TCF12: variants seen among roughly 807,000 people sequenced by gnomAD.
TCF12 encodes transcription factor 12.
Under a neutral mutation model 86.0 loss-of-function variants are expected in TCF12, and 45 were observed. The observed-to-expected ratio is 0.52, with a 90% confidence interval of 0.41 to 0.67. TCF12 has a LOEUF of 0.67. Ranked by LOEUF, TCF12 falls within the 30% of genes least tolerant of loss-of-function variation. The pLI is 0.00. For missense variants in TCF12, 881 were observed against 859.9 expected (o/e 1.02, Z -0.31); for synonymous variants, 330 against 299.6 (o/e 1.10, Z -1.05).
At chr15:57,060,244 G>C (rs1368228635) in intron 3 of TCF12, among the ~76,000 whole-genome samples, 1 of 152,118 alleles carries the variant, frequency 6.6e-6, no homozygotes, top group East Asian at 1.9e-4. Flanking sequence ...CTTTTGTTAA[G>C]TTCACAAACT....
intron 8 of TCF12, among the ~76,000 whole-genome samples, chr15:57,211,317 C>T (rs182753394): frequency 1.3e-5 from 2 of 152,244 alleles, no homozygotes; most frequent in African/African-American, 2.4e-5. Flanking sequence ...CTAATACTAG[C>T]ACTTTGGGAG....
chr15:57,209,955 A>G (rs182378950), intron 8 of TCF12, among the ~76,000 whole-genome samples: 1 of 152,248 alleles, frequency 6.6e-6, no homozygotes, highest in East Asian at 1.9e-4. Flanking sequence ...CCAAATGGCT[A>G]GTTTTCTCTT....
intron 3 of TCF12, among the ~76,000 whole-genome samples, chr15:56,925,240 G>GCCCCCCCCCCCCCCCCC (rs11465192): frequency 1.3e-3 from 175 of 136,226 alleles, no homozygotes; most frequent in South Asian, 1.7e-3. Context: ...GGTGTCCACC[G>GCCCCCCCCCCCCCCCCC]CCCCCCCACC....
At chr15:57,187,196 G>A (rs1278975149) in intron 6 of TCF12, among the ~76,000 whole-genome samples, 1 of 149,928 alleles carries the variant, frequency 6.7e-6, no homozygotes, top group Non-Finnish European at 1.5e-5. Context: ...AAAAGATTCT[G>A]ACAAAATCCA....
intron 5 of TCF12, among the ~76,000 whole-genome samples, chr15:57,144,359 T>C (rs2053208435): frequency 6.6e-6 from 1 of 152,258 alleles, no homozygotes; most frequent in African/African-American, 2.4e-5. Flanking sequence ...GTAGTACAAA[T>C]AAGTTCACAT....
At chr15:57,004,959 T>G (rs1041635555) in intron 3 of TCF12, among the ~76,000 whole-genome samples, 1 of 152,242 alleles carries the variant, frequency 6.6e-6, no homozygotes, top group South Asian at 2.1e-4. Flanking sequence ...ATATGCTGTT[T>G]TAGAGGACTG....
At position 57,262,525 on chromosome 15, in the gene TCF12, G is replaced by T. The variant is rs573796854; in HGVS notation, c.1582+317G>T. Among the ~76,000 whole-genome samples, 3 of 152,262 alleles carry T rather than the reference G, an allele frequency of 2.0e-5. No homozygotes were observed. The East Asian group carries it at 5.8e-4, about 29-fold the overall frequency. Reference sequence around the variant, plus strand: ...GAGTGTATCTTCATGGTCTTTAGAGGCATTGACAGAGATATTTCTGATTAT... The same window carrying T: ...GAGTGTATCTTCATGGTCTTTAGAGTCATTGACAGAGATATTTCTGATTAT... On this transcript the variant is annotated intron_variant, in intron 17 of 20. Transcript: ENST00000333725.
At position 57,063,614 on chromosome 15, in the gene TCF12, C is replaced by G. The variant is rs1465464121; in HGVS notation, c.149-136C>G. On this transcript the variant is annotated intron_variant, in intron 3 of 20. Transcript: ENST00000333725. ...GCAGTAACTTATATTTTACAGGTTT[C>G]TGAAGCAAGGATTGATACTTAGCTC... The G allele has an allele frequency of 5.4e-6, 3 of 550,892 alleles. No homozygotes were observed. In the African/African-American group the frequency reaches 5.6e-5, roughly 10 times the overall value. The allele number at this position is 550,892 out of a possible 1,614,324, so 34.1% of individuals were successfully genotyped here.
intron 3 of TCF12, among the ~76,000 whole-genome samples, chr15:57,027,126 G>A (rs2065870070): frequency 6.6e-6 from 1 of 152,044 alleles, no homozygotes; most frequent in Admixed American, 6.5e-5. Context: ...TTTAATGTAT[G>A]ATAAGATTAG....
At chr15:56,937,274 G>T (rs1366854865) in intron 3 of TCF12, among the ~76,000 whole-genome samples, 1 of 151,946 alleles carries the variant, frequency 6.6e-6, no homozygotes. Context: ...TATCAGTTTG[G>T]TCGCTGTTGG....
Position 56,982,834 on chromosome 15 carries a change from G to C in TCF12, c.148+61736G>C, listed in dbSNP as rs74613484. Among the ~76,000 whole-genome samples the C allele has an allele frequency of 7.2e-3, 1,102 of 152,226 alleles. 12 individuals are homozygous for C. Among genetic ancestry groups the C allele is most frequent in the African/African-American group, 0.025 (1,023 of 41,532 alleles). On this transcript the variant is annotated intron_variant, in intron 3 of 20. Coordinates refer to ENST00000333725, the MANE Select transcript of TCF12 (RefSeq NM_207037.2). ...CTAATTGAGAAGTCATTTATAGTCTGTCTTACCATACATTATCTGATTTCC... is the reference window on the plus strand; with the variant it reads ...CTAATTGAGAAGTCATTTATAGTCTCTCTTACCATACATTATCTGATTTCC...
rs145150559 is a variant in TCF12, at chr15:56,941,040, T to C, written c.148+19942T>C. ...CCTCCCAAAATGCTGGGATTACATA[T>C]GTGAGCCACCGTGCCAGGCCTTTAA... On this transcript the variant is annotated intron_variant, in intron 3 of 20. Coordinates refer to ENST00000333725, the MANE Select transcript of TCF12 (RefSeq NM_207037.2). Among the ~76,000 whole-genome samples, 178 of 150,474 alleles carry C rather than the reference T, an allele frequency of 1.2e-3. 3 individuals are homozygous for C. The East Asian group carries it at 0.028, about 24-fold the overall frequency.
chr15:57,052,876 T>G (rs1234626517), intron 3 of TCF12, among the ~76,000 whole-genome samples: 1 of 152,222 alleles, frequency 6.6e-6, no homozygotes, highest in Non-Finnish European at 1.5e-5. Context: ...ACATTTAGGT[T>G]GTTTCCACAT....
At chr15:57,048,070 G>A (rs1222520836) in intron 3 of TCF12, among the ~76,000 whole-genome samples, 2 of 152,066 alleles carry the variant, frequency 1.3e-5, no homozygotes, top group East Asian at 1.9e-4. Context: ...GTTGTTATGT[G>A]GTGCATGACT....
intron 18 of TCF12, among the ~76,000 whole-genome samples, chr15:57,264,286 C>A (rs1378853968): frequency 7.4e-6 from 1 of 135,772 alleles, no homozygotes; most frequent in African/African-American, 2.7e-5. Context: ...CTGCAACCTC[C>A]GCCTCCCAGG....
intron 7 of TCF12, among the ~76,000 whole-genome samples, chr15:57,194,309 G>A (rs191861787): frequency 6.6e-6 from 1 of 152,264 alleles, no homozygotes; most frequent in African/African-American, 2.4e-5. Context: ...CCTCTGTGAG[G>A]TTGTAATGTT....
At chr15:57,197,417 C>T (rs2057327145) in intron 7 of TCF12, among the ~76,000 whole-genome samples, 1 of 152,118 alleles carries the variant, frequency 6.6e-6, no homozygotes, top group African/African-American at 2.4e-5. Context: ...CTTGGCTTCC[C>T]AAAGTGCTGG....
chr15:57,100,224 C>T (rs1352183968), intron 5 of TCF12, among the ~76,000 whole-genome samples: 1 of 152,132 alleles, frequency 6.6e-6, no homozygotes, highest in Non-Finnish European at 1.5e-5. Flanking sequence ...GCCGTGGCTA[C>T]TTGGTTGCTA....
At chr15:57,073,533 T>C (rs1164853079) in intron 4 of TCF12, among the ~76,000 whole-genome samples, 3 of 152,226 alleles carry the variant, frequency 2.0e-5, no homozygotes, top group Non-Finnish European at 1.5e-5. Context: ...AAGAAGCCAT[T>C]TTTAAAATCT....
Sources: gnomAD v4.1 joint callset for allele counts (sites outside exome capture counted in the v4.1 genomes callset) on GRCh38, gnomAD v4.1.1 for gene constraint, MANE v1.5 for transcripts, NCBI Gene and HGNC (gene_info 2026-07-23, HGNC 2026-07-21) for gene names.